The following BMPR1B variants were observed in gnomAD, a reference collection of about 807,000 sequenced individuals.
BMPR1B encodes bone morphogenetic protein receptor type 1B, also known as bone morphogenetic protein receptor type-1B.
A neutral mutation model predicts 59.1 loss-of-function variants in BMPR1B; 12 were observed. The ratio of observed to expected loss-of-function variants is 0.20; its 90% confidence interval spans 0.13 to 0.33. BMPR1B has a LOEUF of 0.33. BMPR1B is among the 10% of genes least tolerant of loss of function. BMPR1B has a pLI of 1.00. For synonymous variants in BMPR1B, 237 were observed against 207.3 expected (o/e 1.14, Z -1.23); for missense variants, 550 against 610.9 (o/e 0.90, Z 1.05).
At chr4:94,828,898 G>A (rs555566539) in intron 1 of BMPR1B, among the ~76,000 whole-genome samples, 22 of 151,868 alleles carry the variant, frequency 1.4e-4, no homozygotes, top group African/African-American at 5.1e-4. Context: ...TTAAAAATAT[G>A]TATGCTTTTA....
chr4:95,143,193 GTGC>G (rs1230525430), intron 10 of BMPR1B, among the ~76,000 whole-genome samples: 2 of 152,232 alleles, frequency 1.3e-5, no homozygotes, highest in Non-Finnish European at 2.9e-5. Context: ...CCAGGCAGCA[GTGC>G]TGTGCTAAGG....
chr4:94,798,870 T>C, intron 1 of BMPR1B, among the ~76,000 whole-genome samples: 1 of 151,910 alleles, frequency 6.6e-6, no homozygotes, highest in East Asian at 1.9e-4. Context: ...GGTTCATTAG[T>C]CTTAGTCTTG....
At chr4:94,766,482 C>T (rs77357626) in intron 1 of BMPR1B, among the ~76,000 whole-genome samples, 2,059 of 149,474 alleles carry the variant, frequency 0.014, 52 homozygotes, top group African/African-American at 0.048. Flanking sequence ...ACCCAGAAAA[C>T]GACTTCCAGC....
intron 2 of BMPR1B, among the ~76,000 whole-genome samples, chr4:94,981,264 C>T (rs1017289065): frequency 4.6e-5 from 7 of 151,316 alleles, no homozygotes; most frequent in East Asian, 3.9e-4. Flanking sequence ...AGTGCAGTGG[C>T]GCAATCACTG....
intron 1 of BMPR1B, among the ~76,000 whole-genome samples, chr4:94,787,553 C>T (rs1190224504): frequency 6.6e-6 from 1 of 152,174 alleles, no homozygotes; most frequent in African/African-American, 2.4e-5. Flanking sequence ...AGCTCAGCCT[C>T]TTTGTCCTTT....
At chr4:94,786,704 A>T (rs934160616) in intron 1 of BMPR1B, among the ~76,000 whole-genome samples, 2 of 141,926 alleles carry the variant, frequency 1.4e-5, no homozygotes, top group African/African-American at 2.8e-5. Flanking sequence ...ATGCCTGGTT[A>T]ATTTTTTGTA....
chr4:94,969,988 A>G (rs1227198104), intron 2 of BMPR1B, among the ~76,000 whole-genome samples: 1 of 152,190 alleles, frequency 6.6e-6, no homozygotes, highest in Non-Finnish European at 1.5e-5. Context: ...AATGTTTCTT[A>G]TACTTTTAAA....
At chr4:95,134,805 T>C (rs1210116567) in intron 10 of BMPR1B, among the ~76,000 whole-genome samples, 2 of 152,242 alleles carry the variant, frequency 1.3e-5, no homozygotes, top group South Asian at 2.1e-4. Context: ...TCTCCCATTC[T>C]GTAGATTGCC....
At chr4:94,784,187 A>G (rs550280008) in intron 1 of BMPR1B, among the ~76,000 whole-genome samples, 1 of 152,178 alleles carries the variant, frequency 6.6e-6, no homozygotes, top group Non-Finnish European at 1.5e-5. Context: ...GGAGCTCCTC[A>G]TACTGCCATT....
intron 3 of BMPR1B, among the ~76,000 whole-genome samples, chr4:95,079,610 C>G (rs1440324145): frequency 6.6e-6 from 1 of 151,996 alleles, no homozygotes; most frequent in Non-Finnish European, 1.5e-5. Context: ...ACAGTTTTCT[C>G]TAGCATGTAA....
intron 1 of BMPR1B, among the ~76,000 whole-genome samples, chr4:94,784,187 A>C (rs550280008): frequency 3.3e-5 from 5 of 152,178 alleles, no homozygotes; most frequent in Non-Finnish European, 4.4e-5. Context: ...GGAGCTCCTC[A>C]TACTGCCATT....
chr4:95,144,961 G>A (rs1406158341), intron 10 of BMPR1B, among the ~76,000 whole-genome samples: 1 of 152,026 alleles, frequency 6.6e-6, no homozygotes. Context: ...TCCTTGAAAT[G>A]TACATTTTCT....
At chr4:94,872,491 A>G (rs1023040970) in intron 1 of BMPR1B, among the ~76,000 whole-genome samples, 4 of 152,222 alleles carry the variant, frequency 2.6e-5, no homozygotes, top group Non-Finnish European at 4.4e-5. Context: ...GAATTTTTAA[A>G]CCTTTTCAGA....
At chr4:94,874,634 A>C (rs745879311) in intron 1 of BMPR1B, among the ~76,000 whole-genome samples, 5 of 152,168 alleles carry the variant, frequency 3.3e-5, no homozygotes, top group African/African-American at 1.2e-4. Flanking sequence ...TTTTTTAGTA[A>C]GTAAACTTGA....
At chr4:94,855,758 C>T (rs1416890721) in intron 1 of BMPR1B, among the ~76,000 whole-genome samples, 3 of 149,536 alleles carry the variant, frequency 2.0e-5, no homozygotes, top group Non-Finnish European at 3.0e-5. Context: ...TTCTTTTCAG[C>T]ATTAATAAAT....
chr4:94,934,369 C>T (rs1729205637), intron 2 of BMPR1B, among the ~76,000 whole-genome samples: 1 of 150,884 alleles, frequency 6.6e-6, no homozygotes, highest in Admixed American at 6.6e-5. Context: ...TGGAGTTTTT[C>T]TCCTTTTTAT....
chr4:94,986,664 A>G (rs558081879), intron 2 of BMPR1B, among the ~76,000 whole-genome samples: 1 of 152,282 alleles, frequency 6.6e-6, no homozygotes, highest in South Asian at 2.1e-4. Flanking sequence ...AACAAGATTA[A>G]TGGATGTTTC....
chr4:94,880,635 A>ATT lies in BMPR1B; in HGVS notation c.-113+4755_-113+4756dup, dbSNP rs35455973. Among the ~76,000 whole-genome samples the ATT allele has an allele frequency of 2.2e-3, 278 of 125,244 alleles. 6 individuals carry two copies. Among genetic ancestry groups the ATT allele is most frequent in the African/African-American group, 7.4e-3 (234 of 31,428 alleles). 82.2% of individuals were successfully genotyped at this position (125,244 alleles called of 152,430 possible). The stretch of plus-strand genomic sequence containing the variant: ...TCACTGCGCCTGACCATTAAAATGA[A>ATT]TTTTTTTTTTTTTTTTTTTTTGAGA... On this transcript the variant is annotated intron_variant, in intron 2 of 12. Transcript: ENST00000515059.
chr4:95,091,072 T>C (rs1307562291), intron 3 of BMPR1B, among the ~76,000 whole-genome samples: 1 of 152,118 alleles, frequency 6.6e-6, no homozygotes, highest in African/African-American at 2.4e-5. Context: ...ACATTGCATA[T>C]TGAAATAGCA....
Sources: allele counts gnomAD v4.1 joint callset (sites outside exome capture counted in the v4.1 genomes callset), GRCh38; gene constraint gnomAD v4.1.1; transcripts MANE v1.5; gene names NCBI Gene and HGNC (gene_info 2026-07-23, HGNC 2026-07-21).